Variants in FCHSD2 observed in about 807,000 individuals in gnomAD.
The protein encoded by FCHSD2 is F-BAR and double SH3 domains protein 2.
A neutral mutation model predicts 108.1 loss-of-function variants in FCHSD2; 38 were observed. The ratio of observed to expected loss-of-function variants is 0.35; its 90% confidence interval spans 0.27 to 0.46. FCHSD2 has a LOEUF of 0.46. Among genes scored for constraint, FCHSD2 ranks in the 20% least tolerant of loss-of-function variants. The pLI, the probability that FCHSD2 is intolerant of heterozygous loss-of-function variation, is 1.00. For missense variants in FCHSD2, 751 were observed against 897.8 expected (o/e 0.84, Z 2.09); for synonymous variants, 279 against 314.7 (o/e 0.89, Z 1.20).
At chr11:72,886,916 C>G (rs1011034457) in intron 12 of FCHSD2, among the ~76,000 whole-genome samples, 1 of 152,068 alleles carries the variant, frequency 6.6e-6, no homozygotes, top group Non-Finnish European at 1.5e-5. Flanking sequence ...AGCTTTCATA[C>G]AACCCTCAAA....
chr11:73,125,705 C>CA (rs1053207659), intron 2 of FCHSD2, among the ~76,000 whole-genome samples: 14 of 137,734 alleles, frequency 1.0e-4, no homozygotes, highest in South Asian at 2.3e-4. Context: ...TGTCTCAAGA[C>CA]AAAAAAAAAC....
intron 3 of FCHSD2, among the ~76,000 whole-genome samples, chr11:73,056,526 T>C (rs139273875): frequency 1.3e-5 from 2 of 152,302 alleles, no homozygotes; most frequent in African/African-American, 4.8e-5. Flanking sequence ...CTAAAATGAA[T>C]CAATTTAATC....
At chr11:72,946,401 T>TG (rs1591424347) in intron 8 of FCHSD2, among the ~76,000 whole-genome samples, 2 of 32,714 alleles carry the variant, frequency 6.1e-5, no homozygotes, top group South Asian at 1.1e-3. Context: ...TGTTGTGGGG[T>TG]GGGGGAGGGG....
intron 2 of FCHSD2, among the ~76,000 whole-genome samples, chr11:73,098,254 T>C (rs1860137169): frequency 6.6e-6 from 1 of 152,198 alleles, no homozygotes; most frequent in Non-Finnish European, 1.5e-5. Flanking sequence ...TGTATATTTT[T>C]GTTCTCATTT....
chr11:72,955,199 T>C (rs1389920174), intron 8 of FCHSD2, among the ~76,000 whole-genome samples: 2 of 152,336 alleles, frequency 1.3e-5, no homozygotes, highest in Admixed American at 6.5e-5. Context: ...CAGCTAAAAA[T>C]TGGCGTTCCT....
intron 8 of FCHSD2, among the ~76,000 whole-genome samples, chr11:72,963,768 G>A (rs751995699): frequency 6.6e-6 from 1 of 152,126 alleles, no homozygotes; most frequent in Non-Finnish European, 1.5e-5. Context: ...TAATTCTGCT[G>A]CCCATCTGAC....
At chr11:72,862,547 T>C (rs577528461) in intron 13 of FCHSD2, among the ~76,000 whole-genome samples, 2 of 152,336 alleles carry the variant, frequency 1.3e-5, no homozygotes, top group East Asian at 3.9e-4. Flanking sequence ...ATCTATCTAC[T>C]GAAAACTACA....
chr11:73,088,976 A>T (rs1336332672), intron 2 of FCHSD2, among the ~76,000 whole-genome samples: 1 of 152,216 alleles, frequency 6.6e-6, no homozygotes, highest in East Asian at 1.9e-4. Context: ...TGTACCCTTG[A>T]TGTGCATATC....
rs547472452 is a variant in FCHSD2, at chr11:72,880,590, C to T, written c.1146+6880G>A. On this transcript the variant is annotated intron_variant, in intron 12 of 19. Transcript: ENST00000409418. Reference sequence around the variant, plus strand: ...CCTATCTCTCACCATATATAAAAGTCGGCTCAAAATGATTAAAGACTTTAA... The same window carrying T: ...CCTATCTCTCACCATATATAAAAGTTGGCTCAAAATGATTAAAGACTTTAA... Among the ~76,000 whole-genome samples the T allele has an allele frequency of 9.9e-5, 15 of 152,054 alleles. No homozygotes were observed. The South Asian group carries it at 2.9e-3, about 29-fold the overall frequency.
At chr11:72,901,819 A>G (rs1208414758) in intron 10 of FCHSD2, among the ~76,000 whole-genome samples, 1 of 152,154 alleles carries the variant, frequency 6.6e-6, no homozygotes, top group African/African-American at 2.4e-5. Context: ...ACCAACCAAA[A>G]TATTTCATAC....
rs796407149 is a variant in FCHSD2 at position 73,045,069 on chromosome 11, C to CAA, written c.166-29186_166-29185dup. ...TGGGCGACAGAGCAAGACTCCATCT[C>CAA]AAAAAAAAAAAAAAAGAATGGGGTA... On this transcript the variant is annotated intron_variant, in intron 3 of 19. Coordinates refer to ENST00000409418, the MANE Select transcript of FCHSD2 (RefSeq NM_014824.3). 6.5e-3 allele frequency among the ~76,000 whole-genome samples: 651 copies of CAA among 99,646 alleles called. 3 individuals carry two copies. Among genetic ancestry groups the CAA allele is most frequent in the African/African-American group, 0.024 (630 of 26,520 alleles). 65.4% of individuals were successfully genotyped at this position (99,646 alleles called of 152,430 possible).
intron 2 of FCHSD2, among the ~76,000 whole-genome samples, chr11:73,126,619 A>G (rs891977422): frequency 6.9e-6 from 1 of 145,728 alleles, no homozygotes; most frequent in Non-Finnish European, 1.5e-5. Flanking sequence ...ATATCTGTTA[A>G]ATATCTGTTA....
chr11:72,943,823 A>T (rs1490823760), intron 8 of FCHSD2, among the ~76,000 whole-genome samples: 1 of 152,230 alleles, frequency 6.6e-6, no homozygotes, highest in Non-Finnish European at 1.5e-5. Flanking sequence ...CAGTTAGCAC[A>T]TCTATAATTA....
At chr11:72,871,574 G>A (rs1458061097) in intron 12 of FCHSD2, among the ~76,000 whole-genome samples, 1 of 120,816 alleles carries the variant, frequency 8.3e-6, no homozygotes, top group East Asian at 2.4e-4. Context: ...GGCTTTCTGT[G>A]GGACTCTTGG....
At chr11:73,060,149 C>A (rs1591521877) in intron 3 of FCHSD2, among the ~76,000 whole-genome samples, 1 of 152,138 alleles carries the variant, frequency 6.6e-6, no homozygotes, top group East Asian at 1.9e-4. Flanking sequence ...GTTAGTCACC[C>A]AATAGATTCA....
chr11:72,992,681 G>T (rs1857439788), intron 5 of FCHSD2, among the ~76,000 whole-genome samples: 1 of 152,154 alleles, frequency 6.6e-6, no homozygotes, highest in African/African-American at 2.4e-5. Flanking sequence ...TTAATAAATG[G>T]TGCTGGGAAT....
intron 8 of FCHSD2, among the ~76,000 whole-genome samples, chr11:72,959,944 G>A (rs751466986): frequency 3.3e-5 from 5 of 151,898 alleles, no homozygotes; most frequent in Non-Finnish European, 5.9e-5. Flanking sequence ...CTAACTTTGA[G>A]GAAGATGGTT....
At chr11:73,006,460 C>T (rs756662651) in intron 4 of FCHSD2, among the ~76,000 whole-genome samples, 1 of 152,164 alleles carries the variant, frequency 6.6e-6, no homozygotes, top group Non-Finnish European at 1.5e-5. Flanking sequence ...ATCATATCTG[C>T]TCCATCAAGA....
At chr11:72,894,159 G>T (rs1176782803) in intron 10 of FCHSD2, among the ~76,000 whole-genome samples, 1 of 152,226 alleles carries the variant, frequency 6.6e-6, no homozygotes, top group African/African-American at 2.4e-5. Flanking sequence ...AAAAGATAGT[G>T]TTGGGGTTGT....
Sources: gnomAD v4.1 joint callset for allele counts (sites outside exome capture counted in the v4.1 genomes callset) on GRCh38, gnomAD v4.1.1 for gene constraint, MANE v1.5 for transcripts, NCBI Gene and HGNC (gene_info 2026-07-23, HGNC 2026-07-21) for gene names.